Variants in DSCAM observed in about 807,000 individuals in gnomAD.
DSCAM encodes the protein DS cell adhesion molecule.
In DSCAM, 47 loss-of-function variants were observed where a neutral mutation model predicts 217.7. The observed-to-expected ratio is 0.22, with a 90% CI of 0.17 to 0.28. The LOEUF is 0.28. DSCAM is among the 10% of genes least tolerant of loss of function. The pLI is 1.00. For synonymous variants in DSCAM, 1,056 were observed against 1,015.3 expected, an observed-to-expected ratio of 1.04 and a Z score of -0.76; for missense variants, 2,080 against 2,618.3, an observed-to-expected ratio of 0.79 and a Z score of 4.49.
At chr21:40,318,102 G>T (rs1355560651) in intron 8 of DSCAM, among the ~76,000 whole-genome samples, 5 of 146,328 alleles carry the variant, frequency 3.4e-5, no homozygotes, top group Non-Finnish European at 1.5e-5. Flanking sequence ...ACCAAACACC[G>T]CATGTTCTCA....
At chr21:40,204,292 C>A (rs7281120) in intron 11 of DSCAM, among the ~76,000 whole-genome samples, 78,632 of 151,982 alleles carry the variant, frequency 0.52, 20,923 homozygotes, top group African/African-American at 0.65. Flanking sequence ...TGCCTGTGTG[C>A]ATGTGTTTGC....
chr21:40,350,666 CCA>C (rs2074619731), intron 5 of DSCAM, among the ~76,000 whole-genome samples: 1 of 151,740 alleles, frequency 6.6e-6, no homozygotes, highest in African/African-American at 2.4e-5. Context: ...AGCAGGAAAT[CCA>C]CAGATATCAA....
intron 16 of DSCAM, among the ~76,000 whole-genome samples, chr21:40,156,287 C>CAGGG (rs1367145598): frequency 1.3e-5 from 1 of 75,700 alleles, no homozygotes; most frequent in African/African-American, 4.3e-5. Context: ...CAAACTAAGA[C>CAGGG]AGAGAGAGAG....
intron 1 of DSCAM, among the ~76,000 whole-genome samples, chr21:40,728,721 A>G (rs540855224): frequency 2.6e-5 from 4 of 152,302 alleles, no homozygotes; most frequent in Admixed American, 2.6e-4. Context: ...TGCCTAGCCC[A>G]CTACAAATGA....
intron 4 of DSCAM, among the ~76,000 whole-genome samples, chr21:40,364,354 A>C (rs541970799): frequency 9.0e-4 from 137 of 152,300 alleles, no homozygotes; most frequent in African/African-American, 3.2e-3. Flanking sequence ...AGCCATAAAA[A>C]ATGATGAGTT....
intron 3 of DSCAM, among the ~76,000 whole-genome samples, chr21:40,583,784 G>C (rs143133032): frequency 9.9e-5 from 15 of 152,124 alleles, no homozygotes; most frequent in African/African-American, 2.7e-4. Context: ...TACCACTCTT[G>C]CGGGGGATGC....
chr21:40,127,348 A>C (rs1219263498), intron 19 of DSCAM, among the ~76,000 whole-genome samples: 1 of 152,218 alleles, frequency 6.6e-6, no homozygotes, highest in Non-Finnish European at 1.5e-5. Context: ...TGGAGTAAAA[A>C]ACGGTATATG....
At chr21:40,200,399 A>G (rs1163940224) in intron 11 of DSCAM, among the ~76,000 whole-genome samples, 1 of 152,142 alleles carries the variant, frequency 6.6e-6, no homozygotes, top group Non-Finnish European at 1.5e-5. Flanking sequence ...AGAATCATAC[A>G]GTATTTGTCT....
chr21:40,431,439 G>T (rs573678544), intron 3 of DSCAM, among the ~76,000 whole-genome samples: 2 of 148,568 alleles, frequency 1.3e-5, no homozygotes, highest in Non-Finnish European at 3.0e-5. Context: ...ATGTGAAGAC[G>T]ATGAGGACAA....
At chr21:40,796,265 C>T (rs736977) in intron 1 of DSCAM, among the ~76,000 whole-genome samples, 3 of 151,946 alleles carry the variant, frequency 2.0e-5, no homozygotes, top group African/African-American at 4.8e-5. Flanking sequence ...GACATGACAT[C>T]GGCAAATCCG....
chr21:40,145,881 G>A (rs962494541), intron 16 of DSCAM, among the ~76,000 whole-genome samples: 3 of 151,770 alleles, frequency 2.0e-5, no homozygotes, highest in South Asian at 2.1e-4. Context: ...CCACCAAGAT[G>A]AGGCTCTAGG....
At chr21:40,155,378 A>G (rs576819161) in intron 16 of DSCAM, among the ~76,000 whole-genome samples, 1 of 152,284 alleles carries the variant, frequency 6.6e-6, no homozygotes, top group South Asian at 2.1e-4. Flanking sequence ...CTGGGCCCCA[A>G]CTATTTAGCG....
At position 40,338,362 on chromosome 21, in the gene DSCAM, G is replaced by A. The variant is rs1368156789; in HGVS notation, c.1522C>T (p.Arg508Ter). The A allele has an allele frequency of 6.2e-7, 1 of 1,613,244 alleles. No homozygotes were observed. ...ATTGCTGTGATGTTTTTCATTGGTC[G>A]AATGCTTGCAGGCCCTGGAGAGACA... The part of the protein sequence containing the change: ...RINVRGPASI[R>*]PMKNITAIAG... Residue 508 changes from arginine (R) to a stop codon, truncating the protein, a stop_gained, in exon 8 of 33, where the codon CGA becomes TGA. Transcript: ENST00000400454. LOFTEE classifies it high-confidence loss of function.
chr21:40,192,548 C>G (rs10222133), intron 11 of DSCAM, among the ~76,000 whole-genome samples: 74,606 of 152,064 alleles, frequency 0.49, 19,124 homozygotes, highest in African/African-American at 0.64. Flanking sequence ...AGGACTGTGA[C>G]TCAGTTAAGC....
chr21:40,660,882 GA>G (rs1167453390), intron 3 of DSCAM, among the ~76,000 whole-genome samples: 1 of 152,146 alleles, frequency 6.6e-6, no homozygotes, highest in African/African-American at 2.4e-5. Flanking sequence ...AACTGCTGAA[GA>G]AAAGCAGCCT....
At chr21:40,224,904 G>A (rs437081) in intron 11 of DSCAM, among the ~76,000 whole-genome samples, 84,284 of 151,970 alleles carry the variant, frequency 0.55, 25,316 homozygotes, top group African/African-American at 0.8. Flanking sequence ...AAATTGAATT[G>A]TCGGTCACCT....
At chr21:40,538,872 GCAA>G (rs1480122894) in intron 3 of DSCAM, among the ~76,000 whole-genome samples, 6 of 152,154 alleles carry the variant, frequency 3.9e-5, no homozygotes, top group African/African-American at 1.4e-4. Context: ...ACAATGAAGG[GCAA>G]TACCTAGTTC....
At chr21:40,816,057 A>G (rs2091878757) in intron 1 of DSCAM, among the ~76,000 whole-genome samples, 1 of 152,230 alleles carries the variant, frequency 6.6e-6, no homozygotes, top group South Asian at 2.1e-4. Context: ...CCTGCTTCCA[A>G]TCTATTATCC....
chr21:40,011,247 G>A lies in DSCAM; in HGVS notation c.*1787C>T, dbSNP rs2088052275. On this transcript the variant is annotated 3_prime_UTR_variant, in exon 33 of 33. Transcript: ENST00000400454. ...ACATTCCTGGAGTCATCTAACACTA[G>A]CATCAGCAGGTGGTCTTGACATGGT... 1.3e-5 allele frequency: 2 copies of A among 152,214 alleles called. No individual in the cohort carries two copies. Among genetic ancestry groups the A allele is most frequent in the Admixed American group, 1.3e-4 (2 of 15,282 alleles). 9.4% of individuals were successfully genotyped at this position (152,214 alleles called of 1,614,324 possible). A position where few individuals can be genotyped will look rare whatever the true frequency, so the allele number is the denominator to read the frequency against.
Sources: allele counts gnomAD v4.1 joint callset (sites outside exome capture counted in the v4.1 genomes callset), GRCh38; gene constraint gnomAD v4.1.1; transcripts MANE v1.5; gene names NCBI Gene and HGNC (gene_info 2026-07-23, HGNC 2026-07-21).